The following ASB7 variants were observed in gnomAD, a reference collection of about 807,000 sequenced individuals.
ASB7 encodes ankyrin repeat and SOCS box containing 7, also known as ankyrin repeat and SOCS box protein 7.
ASB7 carries 4 observed loss-of-function variants against 32.5 expected under a neutral mutation model. The ratio of observed to expected loss-of-function variants is 0.12; its 90% CI spans 0.06 to 0.28. The LOEUF (loss-of-function observed/expected upper bound fraction) is 0.28. ASB7 is among the 10% of genes least tolerant of loss of function. The pLI, the probability that ASB7 is intolerant of heterozygous loss-of-function variation, is 1.00. For missense variants in ASB7, 181 were observed against 407.1 expected (o/e 0.44, Z 4.78); for synonymous variants, 172 against 155.6 (o/e 1.11, Z -0.78).
At chr15:100,627,926 CTT>C (rs2039853192) in intron 4 of ASB7, among the ~76,000 whole-genome samples, 1 of 152,176 alleles carries the variant, frequency 6.6e-6, no homozygotes, top group South Asian at 2.1e-4. Context: ...GCTTGAGTGA[CTT>C]AAGGGCTCAG....
At chr15:100,645,781 C>A in intron 5 of ASB7, 1 of 1,565,684 alleles carries the variant, frequency 6.4e-7, no homozygotes, top group Non-Finnish European at 8.8e-7. Context: ...TACAATTAAA[C>A]ACTTTATTTC....
At chr15:100,607,024 G>C (rs560010046) in intron 2 of ASB7, among the ~76,000 whole-genome samples, 1 of 151,870 alleles carries the variant, frequency 6.6e-6, no homozygotes, top group Non-Finnish European at 1.5e-5. Flanking sequence ...GTGGTGGCAC[G>C]CTCCTGTAGT....
At chr15:100,610,135 A>G (rs551500524) in intron 3 of ASB7, among the ~76,000 whole-genome samples, 3 of 152,360 alleles carry the variant, frequency 2.0e-5, no homozygotes, top group African/African-American at 7.2e-5. Context: ...CTATTCTGAA[A>G]GGATTCTCAT....
At chr15:100,612,095 G>A (rs1422982484) in intron 3 of ASB7, 71 bp from the exon 4 acceptor site, 1 of 810,706 alleles carries the variant, frequency 1.2e-6, no homozygotes, top group Non-Finnish European at 2.0e-6. Context: ...AATGTTCTGT[G>A]ATATTTAATA....
intron 2 of ASB7, among the ~76,000 whole-genome samples, chr15:100,605,787 A>G (rs1212571523): frequency 6.6e-6 from 1 of 152,246 alleles, no homozygotes; most frequent in Non-Finnish European, 1.5e-5. Flanking sequence ...GGACCTCATC[A>G]TTATAATACT....
chr15:100,646,975 T>C (rs2040001034), intron 5 of ASB7, among the ~76,000 whole-genome samples: 1 of 152,180 alleles, frequency 6.6e-6, no homozygotes, highest in Non-Finnish European at 1.5e-5. Flanking sequence ...CTATCATCTA[T>C]TAAACCATAC....
chr15:100,633,269 C>T (rs138123350), intron 5 of ASB7, among the ~76,000 whole-genome samples: 1 of 151,686 alleles, frequency 6.6e-6, no homozygotes, highest in East Asian at 1.9e-4. Context: ...AAGGTGTGAC[C>T]GATGTCAAGT....
intron 4 of ASB7, among the ~76,000 whole-genome samples, chr15:100,628,265 T>C (rs1233477946): frequency 1.3e-5 from 2 of 152,236 alleles, no homozygotes; most frequent in Non-Finnish European, 2.9e-5. Flanking sequence ...AGTATTGTTA[T>C]TTTACATATA....
At chr15:100,623,623 T>A (rs2039811728) in intron 4 of ASB7, among the ~76,000 whole-genome samples, 1 of 152,210 alleles carries the variant, frequency 6.6e-6, no homozygotes, top group Non-Finnish European at 1.5e-5. Context: ...AAACTCTTAA[T>A]ACGGTGTTGG....
chr15:100,623,519 A>G (rs1430005081), intron 4 of ASB7, among the ~76,000 whole-genome samples: 1 of 152,266 alleles, frequency 6.6e-6, no homozygotes, highest in African/African-American at 2.4e-5. Flanking sequence ...GGAAATGCAA[A>G]TCAAAACCAC....
At chr15:100,618,872 C>G (rs763688119) in intron 4 of ASB7, among the ~76,000 whole-genome samples, 10 of 152,180 alleles carry the variant, frequency 6.6e-5, no homozygotes, top group Non-Finnish European at 1.2e-4. Flanking sequence ...AGGGTTTAGT[C>G]TATGCCAAAT....
At chr15:100,620,220 C>T (rs983868840) in intron 4 of ASB7, among the ~76,000 whole-genome samples, 1 of 152,194 alleles carries the variant, frequency 6.6e-6, no homozygotes, top group African/African-American at 2.4e-5. Context: ...AATCATTTTT[C>T]AATTACTTAT....
At chr15:100,643,274 AT>A (rs2039973530) in intron 5 of ASB7, among the ~76,000 whole-genome samples, 1 of 152,116 alleles carries the variant, frequency 6.6e-6, no homozygotes, top group African/African-American at 2.4e-5. Flanking sequence ...TAACAACATT[AT>A]CACCATTATC....
intron 5 of ASB7, among the ~76,000 whole-genome samples, chr15:100,634,348 A>G (rs1597009265): frequency 1.3e-5 from 2 of 152,276 alleles, no homozygotes; most frequent in African/African-American, 4.8e-5. Flanking sequence ...TGAGGCTTTA[A>G]TGATCGGCAC....
Position 100,651,053 on chromosome 15 carries a change from A to G in ASB7, c.*2591A>G, listed in dbSNP as rs1315356576. ...ATTTTCAAATTTGTCAGATTCTTTT[A>G]TGTTTCCTTTGAAATTTATTATTTA... On this transcript the variant is annotated 3_prime_UTR_variant, in exon 6 of 6. Coordinates refer to ENST00000332783, the MANE Select transcript of ASB7 (RefSeq NM_198243.3). The G allele has an allele frequency of 5.3e-5, 8 of 152,336 alleles. No homozygotes were observed. Among genetic ancestry groups the G allele is most frequent in the African/African-American group, 1.7e-4 (7 of 41,586 alleles). The allele number at this position is 152,336 out of a possible 1,614,324, so 9.4% of individuals were successfully genotyped here.
chr15:100,618,622 G>GTGT (rs113400819), intron 4 of ASB7, among the ~76,000 whole-genome samples: 29 of 150,288 alleles, frequency 1.9e-4, no homozygotes, highest in African/African-American at 4.4e-4. Context: ...CTGTGTGTGT[G>GTGT]GTGTGTGTGT....
Position 100,650,202 on chromosome 15 carries a change from T to C in ASB7, c.*1740T>C, listed in dbSNP as rs1409749839. On this transcript the variant is annotated 3_prime_UTR_variant, in exon 6 of 6. Coordinates refer to ENST00000332783, the MANE Select transcript of ASB7 (RefSeq NM_198243.3). ...GCCACTCTGAGTGTGGCCAGTTCTATAACCATCCCCAAACTAGCTGGAGCC... is the reference window on the plus strand; with the variant it reads ...GCCACTCTGAGTGTGGCCAGTTCTACAACCATCCCCAAACTAGCTGGAGCC... 1 of 152,254 alleles carries C rather than the reference T, an allele frequency of 6.6e-6. No individual in the cohort carries two copies. The highest frequency in any genetic ancestry group is 1.5e-5 in the Non-Finnish European group (1 of 68,074). 9.4% of individuals were successfully genotyped at this position (152,254 alleles called of 1,614,324 possible).
intron 5 of ASB7, among the ~76,000 whole-genome samples, chr15:100,634,015 G>A (rs981396196): frequency 2.0e-5 from 3 of 152,206 alleles, no homozygotes; most frequent in African/African-American, 7.2e-5. Context: ...GAGAAATTTA[G>A]TGGTTATGAA....
At chr15:100,626,088 G>A (rs909876613) in intron 4 of ASB7, among the ~76,000 whole-genome samples, 1 of 152,136 alleles carries the variant, frequency 6.6e-6, no homozygotes, top group African/African-American at 2.4e-5. Context: ...AATGCATTGA[G>A]CAAAGATTTT....
Sources: allele counts gnomAD v4.1 joint callset (sites outside exome capture counted in the v4.1 genomes callset), GRCh38; gene constraint gnomAD v4.1.1; transcripts MANE v1.5; gene names NCBI Gene and HGNC (gene_info 2026-07-23, HGNC 2026-07-21).